The following PTPRT variants were observed in gnomAD, a reference collection of about 807,000 sequenced individuals.
PTPRT encodes receptor-type tyrosine-protein phosphatase T.
Under a neutral mutation model 176.8 loss-of-function variants are expected in PTPRT, and 56 were observed. The ratio of observed to expected loss-of-function variants is 0.32; its 90% confidence interval spans 0.26 to 0.40. The LOEUF is 0.40. PTPRT is among the 10% of genes least tolerant of loss of function. The pLI is 1.00. For synonymous variants in PTPRT, 783 were observed against 739.0 expected (o/e 1.06, Z -0.96); for missense variants, 1,540 against 1,908.2 (o/e 0.81, Z 3.60).
At chr20:42,669,762 G>T (rs896329533) in intron 7 of PTPRT, among the ~76,000 whole-genome samples, 1 of 151,930 alleles carries the variant, frequency 6.6e-6, no homozygotes, top group Non-Finnish European at 1.5e-5. Flanking sequence ...CTTGCCTGTG[G>T]GACCCACAGG....
At chr20:42,916,261 A>G (rs1215355067) in intron 1 of PTPRT, among the ~76,000 whole-genome samples, 4 of 152,022 alleles carry the variant, frequency 2.6e-5, no homozygotes, top group Non-Finnish European at 5.9e-5. Flanking sequence ...GATGGTTTCC[A>G]GTTTCATCCA....
chr20:42,270,576 T>C (rs770611730), intron 13 of PTPRT: 24 of 730,236 alleles, frequency 3.3e-5, no homozygotes, highest in Middle Eastern at 4.8e-4. Context: ...GAGCTCACAC[T>C]AAATAGCAAA....
At chr20:42,442,761 T>C (rs1478363437) in intron 9 of PTPRT, among the ~76,000 whole-genome samples, 2 of 152,238 alleles carry the variant, frequency 1.3e-5, no homozygotes, top group African/African-American at 4.8e-5. Flanking sequence ...TTGAAACACA[T>C]ATTGATTACT....
rs1042997423 is a variant in PTPRT at position 42,772,592 on chromosome 20, T to C, written c.569-1042A>G. On this transcript the variant is annotated intron_variant, in intron 4 of 30. Coordinates refer to ENST00000373187, the MANE Select transcript of PTPRT (RefSeq NM_007050.6). ...TAATAACAACAGTAACAGCTCTCCATTGGCTGATAAATTGTATCTAGAAGA... is the reference window on the plus strand; with the variant it reads ...TAATAACAACAGTAACAGCTCTCCACTGGCTGATAAATTGTATCTAGAAGA... Among the ~76,000 whole-genome samples the C allele has an allele frequency of 4.6e-5, 7 of 152,188 alleles. No homozygotes were observed. In the South Asian group the frequency reaches 8.3e-4, roughly 18 times the overall value.
intron 2 of PTPRT, among the ~76,000 whole-genome samples, chr20:42,838,843 C>T (rs1197567440): frequency 1.3e-5 from 2 of 152,100 alleles, no homozygotes; most frequent in African/African-American, 4.8e-5. Context: ...CAGCCGTGTC[C>T]CCCGCTCATC....
At chr20:42,328,575 AC>A in intron 11 of PTPRT, among the ~76,000 whole-genome samples, 1 of 152,300 alleles carries the variant, frequency 6.6e-6, no homozygotes, top group Admixed American at 6.5e-5. Flanking sequence ...ATAAGTAGAT[AC>A]CAAAAAGGCA....
At chr20:43,076,870 T>A (rs961762970) in intron 1 of PTPRT, among the ~76,000 whole-genome samples, 2 of 152,152 alleles carry the variant, frequency 1.3e-5, no homozygotes, top group African/African-American at 2.4e-5. Context: ...CCTCAAGTCA[T>A]ACCCTTCTCT....
chr20:42,195,141 A>G (rs1218845737), intron 16 of PTPRT, among the ~76,000 whole-genome samples: 1 of 152,192 alleles, frequency 6.6e-6, no homozygotes, highest in Non-Finnish European at 1.5e-5. Context: ...TGTACCCTAA[A>G]ACTTAAAGCA....
At position 42,315,872 on chromosome 20, in the gene PTPRT, A is replaced by G; in HGVS notation, c.1990T>C (p.Phe664Leu). 1.2e-6 allele frequency: 2 copies of G among 1,614,144 alleles called. No homozygotes were observed. Among genetic ancestry groups the G allele is most frequent in the Non-Finnish European group, 8.5e-7 (1 of 1,180,022 alleles). ...NASSLDSLHYFAAELKPANLP... is the reference protein window; with the variant it reads ...NASSLDSLHYLAAELKPANLP... The stretch of plus-strand genomic sequence containing the variant: ...TTGGCAGGCTTCAACTCAGCAGCAA[A>G]GTAGTGTAGAGAATCGAGGCTGGAG... The change falls in exon 12 of 31, where the codon TTT becomes CTT. Residue 664 changes from phenylalanine to leucine, a missense_variant. Phe to Leu is a conservative substitution (Grantham distance 22). This residue lies in a region of PTPRT where 81 missense variants were observed against 89.9 expected (regional missense o/e 0.90). Transcript: ENST00000373187.
chr20:42,323,855 CA>C (rs1215222390), intron 11 of PTPRT, among the ~76,000 whole-genome samples: 1 of 151,982 alleles, frequency 6.6e-6, no homozygotes, highest in Non-Finnish European at 1.5e-5. Flanking sequence ...GGCCATCAGA[CA>C]AAAGACAGAC....
intron 26 of PTPRT, among the ~76,000 whole-genome samples, chr20:42,100,755 C>T (rs533361456): frequency 8.5e-5 from 13 of 152,314 alleles, no homozygotes; most frequent in South Asian, 2.1e-4. Context: ...CACATACATG[C>T]GCTCATTGAC....
chr20:42,238,633 A>T (rs927835485), intron 14 of PTPRT, among the ~76,000 whole-genome samples: 3 of 152,200 alleles, frequency 2.0e-5, no homozygotes, highest in African/African-American at 7.2e-5. Flanking sequence ...TGTCAAGAAC[A>T]CTGAGCTGAG....
chr20:42,605,881 G>C (rs1049618449), intron 7 of PTPRT, among the ~76,000 whole-genome samples: 1 of 152,210 alleles, frequency 6.6e-6, no homozygotes, highest in African/African-American at 2.4e-5. Flanking sequence ...TGGCCCTAGA[G>C]TCAGATTCTA....
the PTPRT span, among the ~76,000 whole-genome samples, chr20:42,053,131 C>G: frequency 6.6e-6 from 1 of 152,088 alleles, no homozygotes; most frequent in Admixed American, 6.5e-5. Context: ...AGCTTGGGAC[C>G]TGAGAATAAT....
chr20:42,211,218 T>C (rs1490431031), intron 15 of PTPRT, among the ~76,000 whole-genome samples: 7 of 152,030 alleles, frequency 4.6e-5, no homozygotes, highest in Non-Finnish European at 1.0e-4. Flanking sequence ...GGCATTACCA[T>C]TCAGGACATA....
At chr20:42,442,255 A>G (rs1275644637) in intron 9 of PTPRT, among the ~76,000 whole-genome samples, 1 of 152,174 alleles carries the variant, frequency 6.6e-6, no homozygotes, top group African/African-American at 2.4e-5. Context: ...AAGACGCTCC[A>G]GCCTCCTTGT....
chr20:42,677,805 A>G (rs2425515), intron 7 of PTPRT, 61 bp downstream of exon 7: 445,507 of 1,538,570 alleles, frequency 0.29, 65,723 homozygotes, highest in African/African-American at 0.34. Flanking sequence ...GCAAGAGGAA[A>G]GCCAGTCTTG....
In PTPRT at chr20:42,679,120, T is replaced by C. The variant is rs527527142; in HGVS notation, c.860-961A>G. Among the ~76,000 whole-genome samples, 22 of 152,312 alleles carry C rather than the reference T, an allele frequency of 1.4e-4. No individual in the cohort carries two copies. In the East Asian group the frequency reaches 2.9e-3, roughly 20 times the overall value. ...CTCTCTTCCACTGAGTTCCACGCAG[T>C]CAGCTAAGTAGACCAGAGGTTCAGC... On this transcript the variant is annotated intron_variant, in intron 6 of 30. Transcript: ENST00000373187.
At chr20:42,086,905 G>A (rs1984021431) in intron 27 of PTPRT, among the ~76,000 whole-genome samples, 1 of 150,428 alleles carries the variant, frequency 6.6e-6, no homozygotes, top group Non-Finnish European at 1.5e-5. Flanking sequence ...GTCACATGGT[G>A]CTGACAGATC....
Sources: gnomAD v4.1 joint callset for allele counts (sites outside exome capture counted in the v4.1 genomes callset) on GRCh38, gnomAD v4.1.1 for gene constraint, gnomAD v4.1.1 regional missense constraint, MANE v1.5 for transcripts, NCBI Gene and HGNC (gene_info 2026-07-23, HGNC 2026-07-21) for gene names.